Variants in IMPG2 observed in about 807,000 individuals in gnomAD.
IMPG2 encodes the protein IPM 200.
Under a neutral mutation model 129.2 loss-of-function variants are expected in IMPG2, and 91 were observed. The ratio of observed to expected loss-of-function variants is 0.70; its 90% CI spans 0.59 to 0.84. The LOEUF is 0.84. Among genes scored for constraint, IMPG2 ranks in the 40% least tolerant of loss-of-function variants. IMPG2 has a pLI of 0.00. For missense variants in IMPG2, 1,430 were observed against 1,461.7 expected, an observed-to-expected ratio of 0.98 and a Z score of 0.35; for synonymous variants, 510 against 517.7, an observed-to-expected ratio of 0.99 and a Z score of 0.20.
intron 3 of IMPG2, among the ~76,000 whole-genome samples, chr3:101,299,132 C>T (rs1187210137): frequency 8.5e-5 from 13 of 152,066 alleles, no homozygotes; most frequent in African/African-American, 3.1e-4. Context: ...GCCTGCATGC[C>T]TTATTTCAGC....
At chr3:101,319,280 A>G (rs1024400854) in intron 2 of IMPG2, among the ~76,000 whole-genome samples, 2 of 152,168 alleles carry the variant, frequency 1.3e-5, no homozygotes, top group Non-Finnish European at 2.9e-5. Context: ...AGTTTCTTAC[A>G]TAACGCACCA....
At position 101,226,911 on chromosome 3, in the gene IMPG2, T is replaced by C. The variant is rs1280550657; in HGVS notation, c.*58A>G. 6 of 1,566,050 alleles carry C rather than the reference T, an allele frequency of 3.8e-6. No homozygotes were observed. Among genetic ancestry groups the C allele is most frequent in the Non-Finnish European group, 5.3e-6 (6 of 1,137,222 alleles). ...ATCCAGGTTAATTATATGACATAAGTAACAAGTAATCTCCATCTTCTCCAG... is the reference window on the plus strand; with the variant it reads ...ATCCAGGTTAATTATATGACATAAGCAACAAGTAATCTCCATCTTCTCCAG... On this transcript the variant is annotated 3_prime_UTR_variant, in exon 19 of 19. Coordinates refer to ENST00000193391, the MANE Select transcript of IMPG2 (RefSeq NM_016247.4).
At position 101,241,754 on chromosome 3, in the gene IMPG2, G is replaced by A. The variant is rs578076780; in HGVS notation, c.3022+934C>T. 2.2e-3 allele frequency among the ~76,000 whole-genome samples: 338 copies of A among 152,250 alleles called. 1 individual carries two copies. The highest frequency in any genetic ancestry group is 6.8e-3 in the Middle Eastern group (2 of 294). On this transcript the variant is annotated intron_variant, in intron 14 of 18. Transcript: ENST00000193391. ...TCAAGGATGACTTCTCTGGCCAGGT[G>A]CGGTGGCTCACACCTGTAATCCCAG...
chr3:101,227,748 G>A lies in IMPG2; in HGVS notation c.3714-767C>T, dbSNP rs181170622. On this transcript the variant is annotated intron_variant, in intron 18 of 18. Transcript: ENST00000193391. The stretch of plus-strand genomic sequence containing the variant: ...CTAGGAGCCAAGTCAGATGTTCAGA[G>A]ATTTTTAGAGTTATCTCTACCATGC... 2,780 of 453,314 alleles carry A rather than the reference G, an allele frequency of 6.1e-3. 7 individuals are homozygous for A. Among genetic ancestry groups the A allele is most frequent in the Non-Finnish European group, 0.01 (2,304 of 225,244 alleles). The allele number at this position is 453,314 out of a possible 1,614,324, so 28.1% of individuals were successfully genotyped here. A position where few individuals can be genotyped will look rare whatever the true frequency, so the allele number is the denominator to read the frequency against.
At chr3:101,243,162 G>A (rs975737897) in intron 13 of IMPG2, among the ~76,000 whole-genome samples, 2 of 152,218 alleles carry the variant, frequency 1.3e-5, no homozygotes, top group Non-Finnish European at 2.9e-5. Context: ...TAGACACTCA[G>A]AGAGTTTATT....
At chr3:101,237,850 C>T (rs1706363710) in intron 14 of IMPG2, among the ~76,000 whole-genome samples, 1 of 151,942 alleles carries the variant, frequency 6.6e-6, no homozygotes, top group Admixed American at 6.6e-5. Context: ...AGCAAGGGAA[C>T]AAAACTGGAT....
intron 15 of IMPG2, among the ~76,000 whole-genome samples, chr3:101,232,524 C>T (rs1237590480): frequency 6.6e-6 from 1 of 152,082 alleles, no homozygotes; most frequent in Admixed American, 6.5e-5. Flanking sequence ...AGGCGTGAGC[C>T]ACTGCACCCA....
intron 3 of IMPG2, among the ~76,000 whole-genome samples, chr3:101,297,418 T>C (rs1707092571): frequency 1.3e-5 from 2 of 152,196 alleles, no homozygotes; most frequent in East Asian, 3.9e-4. Context: ...TGCTCTGATC[T>C]TAGTTGTTTC....
At chr3:101,296,368 A>G (rs1373090460) in intron 3 of IMPG2, among the ~76,000 whole-genome samples, 1 of 152,170 alleles carries the variant, frequency 6.6e-6, no homozygotes, top group East Asian at 1.9e-4. Flanking sequence ...GATTACGTTT[A>G]TTGATTTGCC....
intron 10 of IMPG2, among the ~76,000 whole-genome samples, chr3:101,256,197 GAAAGAAAGAAAGAAAGA>G (rs1559646426): frequency 6.7e-6 from 1 of 148,498 alleles, no homozygotes; most frequent in African/African-American, 2.5e-5. Context: ...AAGAAAGAAA[GAAAGAAAGAAAGAAAGA>G]AAGAAAAAAA....
intron 7 of IMPG2, among the ~76,000 whole-genome samples, chr3:101,271,381 C>T (rs983186590): frequency 5.3e-5 from 8 of 152,196 alleles, no homozygotes; most frequent in African/African-American, 1.9e-4. Flanking sequence ...TCTCTGGAGT[C>T]TAAACATGTA....
chr3:101,272,685 G>C (rs1402153748), intron 7 of IMPG2, among the ~76,000 whole-genome samples: 1 of 152,142 alleles, frequency 6.6e-6, no homozygotes. Flanking sequence ...CACACCACTA[G>C]GAAAATAAAT....
At chr3:101,285,422 C>T (rs1706934068) in intron 4 of IMPG2, among the ~76,000 whole-genome samples, 1 of 152,188 alleles carries the variant, frequency 6.6e-6, no homozygotes, top group Admixed American at 6.5e-5. Flanking sequence ...TATTCTTGAT[C>T]ATTTGATGTT....
At chr3:101,228,282 A>C (rs1469418793) in intron 18 of IMPG2, among the ~76,000 whole-genome samples, 1 of 152,232 alleles carries the variant, frequency 6.6e-6, no homozygotes, top group Non-Finnish European at 1.5e-5. Flanking sequence ...TTGTAATTCA[A>C]AGCATACTGA....
chr3:101,307,900 A>C (rs2107140083), intron 2 of IMPG2, among the ~76,000 whole-genome samples: 1 of 152,316 alleles, frequency 6.6e-6, no homozygotes, highest in East Asian at 1.9e-4. Flanking sequence ...GTAAAATCAA[A>C]AGCAAGTTAG....
At position 101,304,301 on chromosome 3, in the gene IMPG2, C is replaced by G; in HGVS notation, c.346G>C (p.Ala116Pro). The change falls in exon 3 of 19, where the codon GCT (alanine) becomes CCT (proline). Residue 116 changes from alanine (A) to proline (P), a missense_variant. Ala to Pro is a conservative substitution (Grantham distance 27). Transcript: ENST00000193391. ...KYFKVRVCQE[A>P]VWEAFRTFWD... ...AAAGTCCTGAAGGCTTCCCAGACAG[C>G]TTCCTGACACACTAGAAAATAGAGA... 1 of 1,613,816 alleles carries G rather than the reference C, an allele frequency of 6.2e-7. No homozygotes were observed. The highest frequency in any genetic ancestry group is 8.5e-7 in the Non-Finnish European group (1 of 1,179,702).
At chr3:101,260,372 A>G (rs565791366) in intron 9 of IMPG2, among the ~76,000 whole-genome samples, 3 of 152,284 alleles carry the variant, frequency 2.0e-5, no homozygotes, top group Non-Finnish European at 2.9e-5. Flanking sequence ...AAGTATTTCA[A>G]TTTTGCACAT....
chr3:101,229,323 C>CGG, intron 17 of IMPG2, 57 bp downstream of exon 17: 1 of 804,642 alleles, frequency 1.2e-6, no homozygotes, highest in Non-Finnish European at 2.0e-6. Context: ...ACCCCCTGCT[C>CGG]CCCCACACAC....
chr3:101,234,698 G>A (rs930093759), intron 14 of IMPG2, among the ~76,000 whole-genome samples: 1 of 152,290 alleles, frequency 6.6e-6, no homozygotes, highest in Middle Eastern at 3.4e-3. Flanking sequence ...TCCTTACCCA[G>A]CAGTGAGGGA....
Sources: gnomAD v4.1 joint callset for allele counts (sites outside exome capture counted in the v4.1 genomes callset) on GRCh38, gnomAD v4.1.1 for gene constraint, MANE v1.5 for transcripts, NCBI Gene and HGNC (gene_info 2026-07-23, HGNC 2026-07-21) for gene names.